The following CSMD1 variants were observed in gnomAD, a reference collection of about 807,000 sequenced individuals.
CSMD1 encodes the protein CUB and Sushi multiple domains 1.
In CSMD1, 213 loss-of-function variants were observed where a neutral mutation model predicts 417.5. The ratio of observed to expected loss-of-function variants is 0.51; its 90% confidence interval spans 0.46 to 0.57. The LOEUF (loss-of-function observed/expected upper bound fraction) is 0.57, where lower values mean the gene tolerates loss of function less well. Ranked by LOEUF, CSMD1 falls within the 20% of genes least tolerant of loss-of-function variation. The pLI is 0.00. For missense variants in CSMD1, 6,923 were observed against 4,529.7 expected (o/e 1.53, Z -15.17); for synonymous variants, 2,862 against 1,736.8 (o/e 1.65, Z -16.11).
At position 4,177,287 on chromosome 8, in the gene CSMD1, C is replaced by A. The variant is rs927907273; in HGVS notation, c.416-145188G>T. On this transcript the variant is annotated intron_variant, in intron 3 of 69. Coordinates refer to ENST00000635120, the MANE Select transcript of CSMD1 (RefSeq NM_033225.6). The stretch of plus-strand genomic sequence containing the variant: ...CAGGATTAAGAAACTCACTCAAAAC[C>A]GCTCAACTACATGGAAACTGAACAA... Among the ~76,000 whole-genome samples the A allele has an allele frequency of 4.6e-5, 7 of 152,108 alleles. 1 individual carries two copies. The South Asian group carries it at 6.3e-4, about 14-fold the overall frequency.
chr8:4,989,216 C>T (rs550110085), intron 1 of CSMD1, among the ~76,000 whole-genome samples: 12 of 151,960 alleles, frequency 7.9e-5, no homozygotes, highest in Admixed American at 5.9e-4. Flanking sequence ...TCAGTAGAGC[C>T]GAAACATCTA....
At chr8:3,721,952 G>T (rs747705723) in intron 6 of CSMD1, among the ~76,000 whole-genome samples, 6 of 152,070 alleles carry the variant, frequency 3.9e-5, no homozygotes, top group African/African-American at 7.2e-5. Context: ...ACCCAAGGCC[G>T]TCCTCATCCC....
At chr8:3,867,421 A>T (rs946389570) in intron 5 of CSMD1, among the ~76,000 whole-genome samples, 3 of 152,130 alleles carry the variant, frequency 2.0e-5, no homozygotes, top group African/African-American at 7.2e-5. Context: ...CTTACTCAGG[A>T]GTATTTGCCC....
chr8:3,243,223 G>C (rs117961631), intron 26 of CSMD1, among the ~76,000 whole-genome samples: 1 of 152,146 alleles, frequency 6.6e-6, no homozygotes. Context: ...CTGAGGACCC[G>C]TGGTGGTAGG....
chr8:4,393,468 A>T (rs1335890657), intron 3 of CSMD1, among the ~76,000 whole-genome samples: 1 of 152,204 alleles, frequency 6.6e-6, no homozygotes, highest in African/African-American at 2.4e-5. Flanking sequence ...ATGCATGATT[A>T]TGTTGAGATG....
intron 5 of CSMD1, among the ~76,000 whole-genome samples, chr8:3,813,367 G>A (rs756042294): frequency 1.3e-5 from 2 of 152,094 alleles, no homozygotes; most frequent in African/African-American, 2.4e-5. Flanking sequence ...ATGATGTGAA[G>A]TAAATAAACA....
At chr8:3,796,952 G>A (rs1800187562) in intron 5 of CSMD1, among the ~76,000 whole-genome samples, 1 of 151,680 alleles carries the variant, frequency 6.6e-6, no homozygotes, top group African/African-American at 2.4e-5. Flanking sequence ...TAATGAAGAT[G>A]AAGTATAATT....
At chr8:4,303,728 T>G (rs1585194080) in intron 3 of CSMD1, among the ~76,000 whole-genome samples, 1 of 152,182 alleles carries the variant, frequency 6.6e-6, no homozygotes, top group African/African-American at 2.4e-5. Context: ...TTATCTTGGC[T>G]CACCCCAACC....
At chr8:4,297,954 G>T (rs916926759) in intron 3 of CSMD1, among the ~76,000 whole-genome samples, 1 of 152,078 alleles carries the variant, frequency 6.6e-6, no homozygotes, top group Non-Finnish European at 1.5e-5. Flanking sequence ...GCTAGGTGAC[G>T]GATTACCTGA....
At chr8:3,275,236 T>C (rs13278966) in intron 26 of CSMD1, among the ~76,000 whole-genome samples, 41,779 of 152,044 alleles carry the variant, frequency 0.27, 5,960 homozygotes, top group African/African-American at 0.34. Context: ...TTCTTTTCTT[T>C]AAGAATGTTG....
chr8:3,948,011 G>C (rs1373467393), intron 5 of CSMD1, among the ~76,000 whole-genome samples: 1 of 152,182 alleles, frequency 6.6e-6, no homozygotes, highest in East Asian at 1.9e-4. Context: ...TTCGAGACCA[G>C]CCTGGCCAAC....
chr8:4,039,345 G>A (rs185256167), intron 3 of CSMD1, among the ~76,000 whole-genome samples: 9 of 152,290 alleles, frequency 5.9e-5, no homozygotes, highest in East Asian at 5.8e-4. Flanking sequence ...ACTATTTGCT[G>A]CTGAAAGCTC....
intron 41 of CSMD1, among the ~76,000 whole-genome samples, chr8:3,135,706 G>A (rs183413092): frequency 4.6e-5 from 7 of 152,266 alleles, no homozygotes; most frequent in East Asian, 3.9e-4. Context: ...GAAGTCTGCT[G>A]ATCACATTTC....
At chr8:4,643,600 G>C (rs371124428) in intron 1 of CSMD1, among the ~76,000 whole-genome samples, 21 of 152,294 alleles carry the variant, frequency 1.4e-4, no homozygotes, top group African/African-American at 4.6e-4. Flanking sequence ...GAGCTAAGGA[G>C]TACGACAGAC....
intron 3 of CSMD1, among the ~76,000 whole-genome samples, chr8:4,214,731 C>A (rs1585036748): frequency 6.6e-6 from 1 of 152,080 alleles, no homozygotes; most frequent in Non-Finnish European, 1.5e-5. Context: ...TCACAGAGAA[C>A]TACATATTCC....
At chr8:3,397,587 T>C (rs186977063) in intron 16 of CSMD1, among the ~76,000 whole-genome samples, 1 of 152,220 alleles carries the variant, frequency 6.6e-6, no homozygotes, top group Non-Finnish European at 1.5e-5. Context: ...GCCAACTTTG[T>C]CTTATGACAC....
At chr8:3,625,057 C>T (rs1366269317) in intron 7 of CSMD1, among the ~76,000 whole-genome samples, 1 of 146,890 alleles carries the variant, frequency 6.8e-6, no homozygotes, top group Non-Finnish European at 1.5e-5. Flanking sequence ...CGAGACATTT[C>T]TACATGCATA....
chr8:4,193,831 G>A (rs963191080), intron 3 of CSMD1, among the ~76,000 whole-genome samples: 2 of 151,962 alleles, frequency 1.3e-5, no homozygotes, highest in African/African-American at 4.8e-5. Flanking sequence ...ACAGAATACA[G>A]TTCAGCCGTG....
chr8:4,368,120 C>T (rs1802193294), intron 3 of CSMD1, among the ~76,000 whole-genome samples: 1 of 152,060 alleles, frequency 6.6e-6, no homozygotes, highest in Non-Finnish European at 1.5e-5. Context: ...AGCTTTTTCT[C>T]ATTCAGTATG....
Sources: allele counts gnomAD v4.1 joint callset (sites outside exome capture counted in the v4.1 genomes callset), GRCh38; gene constraint gnomAD v4.1.1; transcripts MANE v1.5; gene names NCBI Gene and HGNC (gene_info 2026-07-23, HGNC 2026-07-21).